ARHGAP10: variants seen among roughly 807,000 people sequenced by gnomAD.
ARHGAP10 encodes the protein rho GTPase-activating protein 10.
Under a neutral mutation model 108.6 loss-of-function variants are expected in ARHGAP10, and 87 were observed. The ratio of observed to expected loss-of-function variants is 0.80; its 90% confidence interval spans 0.67 to 0.96. ARHGAP10 has a LOEUF of 0.96. ARHGAP10 is among the 40% of genes least tolerant of loss of function. The probability of loss-of-function intolerance (pLI) is 0.00; values close to 1 mark genes in which losing one functional copy is unlikely to be tolerated. For synonymous variants in ARHGAP10, 347 were observed against 341.1 expected, an observed-to-expected ratio of 1.02 and a Z score of -0.19; for missense variants, 939 against 954.5, an observed-to-expected ratio of 0.98 and a Z score of 0.21.
At chr4:147,760,117 C>A (rs1022006796) in intron 1 of ARHGAP10, among the ~76,000 whole-genome samples, 2 of 152,114 alleles carry the variant, frequency 1.3e-5, no homozygotes, top group African/African-American at 4.8e-5. Flanking sequence ...TGCCCACTAG[C>A]CCCATGGTCT....
At chr4:147,991,512 A>G (rs1468863800) in intron 18 of ARHGAP10, among the ~76,000 whole-genome samples, 2 of 152,176 alleles carry the variant, frequency 1.3e-5, no homozygotes, top group Admixed American at 1.3e-4. Flanking sequence ...GGTATTAGAG[A>G]CTAAGTGCCC....
At chr4:148,028,718 G>A (rs979778147) in intron 19 of ARHGAP10, among the ~76,000 whole-genome samples, 2 of 152,202 alleles carry the variant, frequency 1.3e-5, no homozygotes, top group Admixed American at 1.3e-4. Context: ...AATCTGAAAG[G>A]CAGCCATGGT....
intron 3 of ARHGAP10, among the ~76,000 whole-genome samples, chr4:147,832,561 C>T (rs1047667193): frequency 6.8e-6 from 1 of 147,262 alleles, no homozygotes; most frequent in Non-Finnish European, 1.5e-5. Context: ...GCAGGAGAAT[C>T]GCTTGAACCT....
In ARHGAP10 at chr4:147,876,855, A is replaced by G. The variant is rs77266227; in HGVS notation, c.832+1705A>G. ...CCATAAAACAGCCCTATGAAGTATA[A>G]GGTACTATTACTGTTGCCCATTTAT... On this transcript the variant is annotated intron_variant, in intron 8 of 22. Transcript: ENST00000336498. Among the ~76,000 whole-genome samples the G allele has an allele frequency of 3.3e-3, 496 of 152,318 alleles. 3 individuals are homozygous for G. Among genetic ancestry groups the G allele is most frequent in the Non-Finnish European group, 6.1e-3 (413 of 68,034 alleles).
At chr4:147,894,849 A>G (rs1362139194) in intron 10 of ARHGAP10, among the ~76,000 whole-genome samples, 3 of 152,036 alleles carry the variant, frequency 2.0e-5, no homozygotes, top group Non-Finnish European at 4.4e-5. Context: ...CTGTAGGTCT[A>G]TTTCTAGATT....
chr4:147,880,013 T>G (rs1416364594), intron 9 of ARHGAP10, among the ~76,000 whole-genome samples: 1 of 152,234 alleles, frequency 6.6e-6, no homozygotes, highest in African/African-American at 2.4e-5. Flanking sequence ...ACATAGGTAT[T>G]CACCATTTAG....
At chr4:147,969,067 A>G (rs957685662) in intron 18 of ARHGAP10, among the ~76,000 whole-genome samples, 2 of 152,210 alleles carry the variant, frequency 1.3e-5, no homozygotes, top group African/African-American at 2.4e-5. Context: ...TATGGAGTGA[A>G]ATAATGAATT....
intron 1 of ARHGAP10, among the ~76,000 whole-genome samples, chr4:147,767,511 G>A (rs1000911581): frequency 1.3e-5 from 2 of 151,992 alleles, no homozygotes; most frequent in Non-Finnish European, 1.5e-5. Flanking sequence ...AAAATAGCTG[G>A]TTTTGCTCCT....
intron 18 of ARHGAP10, 116 bp from the exon 19 acceptor site, chr4:148,023,147 G>C: frequency 8.3e-7 from 1 of 1,201,828 alleles, no homozygotes; most frequent in Non-Finnish European, 1.2e-6. Context: ...TGGATTTTGG[G>C]CTCTAGCCTG....
chr4:147,839,280 T>C (rs1031189077), intron 3 of ARHGAP10, among the ~76,000 whole-genome samples: 5 of 152,206 alleles, frequency 3.3e-5, no homozygotes, highest in Admixed American at 6.5e-5. Context: ...AACAGAATTT[T>C]CCCTTTAGTT....
chr4:147,798,777 CTCTCTATATATATATATA>C (rs1731450425), intron 1 of ARHGAP10, among the ~76,000 whole-genome samples: 1 of 3,846 alleles, frequency 2.6e-4, no homozygotes, highest in East Asian at 0.022. Flanking sequence ...CTCTCTCTCT[CTCTCTATATATATATATA>C]TATATATATA....
At chr4:148,050,109 C>T (rs1446880335) in intron 20 of ARHGAP10, among the ~76,000 whole-genome samples, 3 of 152,200 alleles carry the variant, frequency 2.0e-5, no homozygotes, top group East Asian at 3.9e-4. Flanking sequence ...TCAAGTGATC[C>T]GCCTGCCTTG....
At chr4:148,048,582 G>A (rs1030235991) in intron 20 of ARHGAP10, among the ~76,000 whole-genome samples, 6 of 152,146 alleles carry the variant, frequency 3.9e-5, no homozygotes, top group South Asian at 2.1e-4. Flanking sequence ...ACCTAGGCAC[G>A]CAGAATCTAT....
intron 1 of ARHGAP10, among the ~76,000 whole-genome samples, chr4:147,784,576 AAAT>A (rs1730733014): frequency 8.7e-6 from 1 of 115,040 alleles, no homozygotes. Context: ...GCAATTTATA[AAAT>A]ATATATTATA....
rs141910663 is a variant in ARHGAP10 at position 147,951,574 on chromosome 4, A to G, written c.1392-3742A>G. On this transcript the variant is annotated intron_variant, in intron 15 of 22. Transcript: ENST00000336498. ...ATCGTAAATTGTATGTAAGGAATAT[A>G]TGTACCTTAACATTTTTTTCTTTTA... Among the ~76,000 whole-genome samples the G allele has an allele frequency of 9.0e-3, 1,370 of 151,946 alleles. 20 individuals carry two copies. The highest frequency in any genetic ancestry group is 0.03 in the African/African-American group (1,254 of 41,404).
At chr4:147,772,400 T>A (rs926350392) in intron 1 of ARHGAP10, among the ~76,000 whole-genome samples, 1 of 152,248 alleles carries the variant, frequency 6.6e-6, no homozygotes, top group Admixed American at 6.5e-5. Context: ...TTTTTATCTT[T>A]TTTTTAAGCC....
At chr4:147,900,952 G>A (rs1057234892) in intron 10 of ARHGAP10, among the ~76,000 whole-genome samples, 2 of 152,018 alleles carry the variant, frequency 1.3e-5, no homozygotes, top group South Asian at 2.1e-4. Context: ...ATTTAAATGC[G>A]AATAATCCAA....
chr4:147,817,764 G>A (rs1386508888), intron 1 of ARHGAP10, among the ~76,000 whole-genome samples: 2 of 152,176 alleles, frequency 1.3e-5, no homozygotes, highest in Admixed American at 1.3e-4. Flanking sequence ...TGCTTTTTGT[G>A]CACAGTCAGA....
At chr4:148,005,363 C>A (rs139458475) in intron 18 of ARHGAP10, among the ~76,000 whole-genome samples, 244 of 152,152 alleles carry the variant, frequency 1.6e-3, no homozygotes, top group African/African-American at 5.7e-3. Flanking sequence ...GCAGGAGGGC[C>A]ACTTGAGCCC....
Sources: allele counts gnomAD v4.1 joint callset (sites outside exome capture counted in the v4.1 genomes callset), GRCh38; gene constraint gnomAD v4.1.1; transcripts MANE v1.5; gene names NCBI Gene and HGNC (gene_info 2026-07-23, HGNC 2026-07-21).